Variants in AMDHD2 observed in about 807,000 individuals in gnomAD.
AMDHD2 encodes N-acetylglucosamine-6-phosphate deacetylase.
AMDHD2 carries 24 observed loss-of-function variants against 41.8 expected under a neutral mutation model. The ratio of observed to expected loss-of-function variants is 0.57; its 90% CI spans 0.42 to 0.81. The LOEUF (loss-of-function observed/expected upper bound fraction) is 0.81, where lower values mean the gene tolerates loss of function less well. AMDHD2 is among the 30% of genes least tolerant of loss of function. AMDHD2 has a pLI of 0.00. For synonymous variants in AMDHD2, 332 were observed against 255.5 expected, an observed-to-expected ratio of 1.30 and a Z score of -2.85; for missense variants, 540 against 588.5, an observed-to-expected ratio of 0.92 and a Z score of 0.85.
In AMDHD2 at chr16:2,529,987, G is replaced by A. The variant is rs767820795; in HGVS notation, c.*424G>A. On this transcript the variant is annotated 3_prime_UTR_variant, in exon 11 of 11. Coordinates refer to ENST00000293971, the MANE Select transcript of AMDHD2 (RefSeq NM_001330449.2). ...GGGGTGAAGCCACCATGGGCTGGGG[G>A]TGAAGAGCCGGCAGGAAGGGGACCA... is the stretch of plus-strand genomic sequence containing the variant. 34 of 739,272 alleles carry A rather than the reference G, an allele frequency of 4.6e-5. No individual in the cohort carries two copies. Among genetic ancestry groups the A allele is most frequent in the Non-Finnish European group, 6.7e-5 (32 of 474,324 alleles). The allele number at this position is 739,272 out of a possible 1,614,324, so 45.8% of individuals were successfully genotyped here.
chr16:2,528,600 A>G (rs764623976), intron 8 of AMDHD2, 41 bp downstream of exon 8: 2 of 1,612,802 alleles, frequency 1.2e-6, no homozygotes, highest in Non-Finnish European at 1.7e-6. Context: ...CCCAGCCCGC[A>G]TGCCAGGTGG....
At chr16:2,522,824 G>A (rs2065958995) in intron 3 of AMDHD2, among the ~76,000 whole-genome samples, 1 of 149,510 alleles carries the variant, frequency 6.7e-6, no homozygotes, top group Non-Finnish European at 1.5e-5. Context: ...CATCATGCCT[G>A]TTTATTCCTT....
In AMDHD2 at chr16:2,520,431, G is replaced by C. The variant is rs1303661264; in HGVS notation, c.-28G>C. On this transcript the variant is annotated 5_prime_UTR_variant, in exon 1 of 11. Coordinates refer to ENST00000293971, the MANE Select transcript of AMDHD2 (RefSeq NM_001330449.2). ...GGGATTTGGCCGCCGCGGGGCTCCG[G>C]AGCCGCTCGCTCCCGACACGGCTCA... 9.8e-6 allele frequency: 12 copies of C among 1,226,874 alleles called. 1 individual carries two copies. The South Asian group carries it at 4.1e-4, about 42-fold the overall frequency. 76.0% of individuals were successfully genotyped at this position (1,226,874 alleles called of 1,614,324 possible).
chr16:2,524,737 CTG>C (rs1020731843), intron 3 of AMDHD2, among the ~76,000 whole-genome samples: 2 of 152,188 alleles, frequency 1.3e-5, no homozygotes, highest in African/African-American at 2.4e-5. Flanking sequence ...GCTCTAAAAA[CTG>C]TGCTGGCTGC....
At chr16:2,522,625 C>G (rs897706636) in intron 3 of AMDHD2, among the ~76,000 whole-genome samples, 1 of 151,438 alleles carries the variant, frequency 6.6e-6, no homozygotes, top group African/African-American at 2.4e-5. Context: ...TGCAGTGAGC[C>G]GAGATTGCGC....
chr16:2,523,728 AGATTCAG>A (rs1271890507), intron 3 of AMDHD2, among the ~76,000 whole-genome samples: 1 of 152,124 alleles, frequency 6.6e-6, no homozygotes, highest in Non-Finnish European at 1.5e-5. Flanking sequence ...CACCTGTCCA[AGATTCAG>A]GATTCAGCAC....
At chr16:2,523,959 C>T (rs1349737488) in intron 3 of AMDHD2, among the ~76,000 whole-genome samples, 1 of 152,246 alleles carries the variant, frequency 6.6e-6, no homozygotes, top group African/African-American at 2.4e-5. Flanking sequence ...GTGGGAGGAA[C>T]TATGGCTCTT....
rs1239347187 is a variant in AMDHD2, at chr16:2,527,872, T to C, written c.515T>C (p.Leu172Pro). ...GAGGCCGATGCCTTCCAGGACTTGC[T>C]GGCCACCTACGGGCCCCTGGACAAT... ...SFEADAFQDL[L>P]ATYGPLDNVR... The change falls in exon 5 of 11, where the codon CTG (leucine) becomes CCG (proline). Residue 172 changes from leucine to proline, a missense_variant. By Grantham distance (98) the Leu-to-Pro change is moderately conservative. Transcript: ENST00000293971. The surrounding 1 kb of genome is among the most constrained non-coding windows in gnomAD (Gnocchi z 6.1). The C allele has an allele frequency of 1.3e-6, 2 of 1,597,172 alleles. No homozygotes were observed. Among genetic ancestry groups the C allele is most frequent in the Non-Finnish European group, 1.7e-6 (2 of 1,179,038 alleles).
At chr16:2,528,789 G>T (rs960686645) in intron 9 of AMDHD2, 71 bp downstream of exon 9, 2 of 1,589,708 alleles carry the variant, frequency 1.3e-6, no homozygotes, top group African/African-American at 2.7e-5. Flanking sequence ...TGGACCGGGT[G>T]CCCGGACTGT....
chr16:2,529,395 G>A (rs769401196), intron 10 of AMDHD2, 80 bp from the exon 11 acceptor site: 94 of 1,583,468 alleles, frequency 5.9e-5, no homozygotes, highest in Middle Eastern at 3.3e-4. Context: ...CCCCACCAGC[G>A]TCGGGTTGTT....
In AMDHD2 at chr16:2,529,873, C is replaced by T. The variant is rs2066061764; in HGVS notation, c.*310C>T. ...CTTGGGCCCCAGTGGGGGACAGGGC[C>T]TGTCTGCATGAAGTGGACCGGAGAC... On this transcript the variant is annotated 3_prime_UTR_variant, in exon 11 of 11. Transcript: ENST00000293971. The T allele has an allele frequency of 7.8e-7, 1 of 1,277,446 alleles. No individual in the cohort carries two copies. Among genetic ancestry groups the T allele is most frequent in the East Asian group, 2.6e-5 (1 of 38,680 alleles). The allele number at this position is 1,277,446 out of a possible 1,614,324, so 79.1% of individuals were successfully genotyped here. A position where few individuals can be genotyped will look rare whatever the true frequency, so the allele number is the denominator to read the frequency against.
At position 2,530,267 on chromosome 16, in the gene AMDHD2, T is replaced by C; in HGVS notation, c.*704T>C. 1 of 1,611,818 alleles carries C rather than the reference T, an allele frequency of 6.2e-7. No individual in the cohort carries two copies. Among genetic ancestry groups the C allele is most frequent in the South Asian group, 1.1e-5 (1 of 90,878 alleles). ...TTCACACATCCCCAGGCCCAGTGCT[T>C]GCCGGCTGTGGTGACCCTGCCTGGT... On this transcript the variant is annotated 3_prime_UTR_variant, in exon 11 of 11. Transcript: ENST00000293971.
chr16:2,528,486 G>C lies in AMDHD2; in HGVS notation c.897G>C (p.Leu299Phe). 6.2e-7 allele frequency: 1 copy of C among 1,612,792 alleles called. No homozygotes were observed. The highest frequency in any genetic ancestry group is 8.5e-7 in the Non-Finnish European group (1 of 1,179,906). ...LVLVTDAIPA[L>F]GLGNGRHTLG... ...TGGTCACCGATGCCATCCCTGCCTT[G>C]GGCCTGGGCAACGGCCGGCACACGC... Residue 299 changes from leucine (L) to phenylalanine (F), a missense_variant, in exon 8 of 11, where the codon TTG becomes TTC. Coordinates refer to ENST00000293971, the MANE Select transcript of AMDHD2 (RefSeq NM_001330449.2).
At chr16:2,524,519 G>A (rs1454100890) in intron 3 of AMDHD2, among the ~76,000 whole-genome samples, 2 of 152,208 alleles carry the variant, frequency 1.3e-5, no homozygotes, top group Non-Finnish European at 2.9e-5. Flanking sequence ...CTCTCTCTAT[G>A]TAGCGCCCTC....
At chr16:2,520,938 G>C (rs755588679) in intron 2 of AMDHD2, 33 bp downstream of exon 2, 1 of 1,596,588 alleles carries the variant, frequency 6.3e-7, no homozygotes, top group East Asian at 2.3e-5. Flanking sequence ...GAACCCAGGG[G>C]AGGAGCTCTG....
In AMDHD2 at chr16:2,520,736, C is replaced by G. The variant is rs780921908; in HGVS notation, c.84-33C>G. 6.6e-6 allele frequency: 10 copies of G among 1,514,220 alleles called. No individual in the cohort carries two copies. The South Asian group carries it at 9.8e-5, about 15-fold the overall frequency. 93.8% of individuals were successfully genotyped at this position (1,514,220 alleles called of 1,614,324 possible). The stretch of plus-strand genomic sequence containing the variant: ...CAGGGTGCGGGGCCGAGGTCAGGCC[C>G]GCGATGCGAGCGCCCACCCACTGCG... On this transcript the variant is annotated intron_variant, in intron 1 of 10. Transcript: ENST00000293971.
chr16:2,530,968 C>T lies in AMDHD2; in HGVS notation c.*1405C>T. ...GGGCCTGGGAGAGGAGCTGTCTTGC[C>T]AGGGCTCCCAGGCAGGGAGAGGCAG... is the stretch of plus-strand genomic sequence containing the variant. On this transcript the variant is annotated 3_prime_UTR_variant, in exon 11 of 11. Coordinates refer to ENST00000293971, the MANE Select transcript of AMDHD2 (RefSeq NM_001330449.2). The T allele has an allele frequency of 1.9e-6, 3 of 1,613,480 alleles. No homozygotes were observed. Among genetic ancestry groups the T allele is most frequent in the Non-Finnish European group, 2.5e-6 (3 of 1,179,918 alleles).
At position 2,530,025 on chromosome 16, in the gene AMDHD2, G is replaced by GT; in HGVS notation, c.*463dup. On this transcript the variant is annotated 3_prime_UTR_variant, in exon 11 of 11. Coordinates refer to ENST00000293971, the MANE Select transcript of AMDHD2 (RefSeq NM_001330449.2). Reference sequence around the variant, plus strand: ...AGGAAGGGGACCAGTCACAGGGAGTGTGGACAGTCAGGGGTTTGCTTTCTG... The same window carrying GT: ...AGGAAGGGGACCAGTCACAGGGAGTGTTGGACAGTCAGGGGTTTGCTTTCTG... 1.3e-6 allele frequency: 1 copy of GT among 749,352 alleles called. No individual in the cohort carries two copies. The highest frequency in any genetic ancestry group is 2.1e-6 in the Non-Finnish European group (1 of 479,500). 46.4% of individuals were successfully genotyped at this position (749,352 alleles called of 1,614,324 possible).
rs761355143 is a variant in AMDHD2, at chr16:2,530,468, A to G, written c.*905A>G. The G allele has an allele frequency of 1.9e-6, 3 of 1,614,152 alleles. No homozygotes were observed. The highest frequency in any genetic ancestry group is 2.2e-5 in the South Asian group (2 of 91,086). ...CTGGAGCCCTCTTGGCTCTGAGGAC[A>G]GCCACAGTGGGGTCAGACGTCAGGG... On this transcript the variant is annotated 3_prime_UTR_variant, in exon 11 of 11. Transcript: ENST00000293971.
Sources: gnomAD v4.1 joint callset for allele counts (sites outside exome capture counted in the v4.1 genomes callset) on GRCh38, gnomAD v4.1.1 for gene constraint, Gnocchi (gnomAD v3.1) non-coding constraint, MANE v1.5 for transcripts, NCBI Gene and HGNC (gene_info 2026-07-23, HGNC 2026-07-21) for gene names.